Variants in ZNF804A observed in about 807,000 individuals in gnomAD.
ZNF804A encodes the protein zinc finger protein 804A.
In ZNF804A, 2 loss-of-function variants were observed where a neutral mutation model predicts 16.5. That is an observed-to-expected ratio of 0.12 (90% CI 0.05 to 0.38). The LOEUF (loss-of-function observed/expected upper bound fraction) is 0.38. ZNF804A is among the 10% of genes least tolerant of loss of function. The probability of loss-of-function intolerance (pLI) is 0.99; values close to 1 mark genes in which losing one functional copy is unlikely to be tolerated. For missense variants in ZNF804A, 1,473 were observed against 1,390.7 expected (o/e 1.06, Z -0.94); for synonymous variants, 534 against 489.6 (o/e 1.09, Z -1.20).
chr2:184,924,737 G>A (rs1170069577), intron 2 of ZNF804A, among the ~76,000 whole-genome samples: 5 of 151,322 alleles, frequency 3.3e-5, no homozygotes, highest in Admixed American at 6.6e-5. Context: ...TGTATGTTAC[G>A]TTTCCGTTAT....
intron 1 of ZNF804A, among the ~76,000 whole-genome samples, chr2:184,818,898 C>A (rs879754941): frequency 1.3e-5 from 2 of 152,036 alleles, no homozygotes; most frequent in Non-Finnish European, 2.9e-5. Flanking sequence ...ACAGGAGCAC[C>A]TAGTTTCATA....
intron 1 of ZNF804A, among the ~76,000 whole-genome samples, chr2:184,790,748 C>T (rs1433065496): frequency 2.0e-5 from 3 of 151,884 alleles, no homozygotes; most frequent in East Asian, 1.9e-4. Flanking sequence ...GGACTACAGG[C>T]GCCTGCCACA....
At chr2:184,830,110 CCACACACACACACA>C (rs151005970) in intron 1 of ZNF804A, among the ~76,000 whole-genome samples, 6 of 141,666 alleles carry the variant, frequency 4.2e-5, no homozygotes, top group East Asian at 4.2e-4. Flanking sequence ...ACACACCCAC[CCACACACACACACA>C]CACACACACA....
intron 1 of ZNF804A, among the ~76,000 whole-genome samples, chr2:184,758,539 G>A (rs1693993529): frequency 6.6e-6 from 1 of 151,874 alleles, no homozygotes; most frequent in South Asian, 2.1e-4. Context: ...CAAGCATATT[G>A]TCTGCCTTTG....
At chr2:184,803,955 C>A (rs577529016) in intron 1 of ZNF804A, among the ~76,000 whole-genome samples, 4 of 152,030 alleles carry the variant, frequency 2.6e-5, no homozygotes, top group Admixed American at 1.3e-4. Context: ...CTCCGCCTCC[C>A]GGGTTCAAGT....
chr2:184,857,408 C>T (rs573263544), intron 1 of ZNF804A, among the ~76,000 whole-genome samples: 2 of 152,030 alleles, frequency 1.3e-5, no homozygotes, highest in Admixed American at 1.3e-4. Flanking sequence ...ATAGGCTATC[C>T]AGGAGAATGT....
In ZNF804A at chr2:184,613,014, T is replaced by C. The variant is rs570695308; in HGVS notation, c.111+13944T>C. ...CTGAGGATGTTGTTTCCTTATGTGATACCACAATTTAACTCACATATGATG... is the reference window on the plus strand; with the variant it reads ...CTGAGGATGTTGTTTCCTTATGTGACACCACAATTTAACTCACATATGATG... On this transcript the variant is annotated intron_variant, in intron 1 of 3. Transcript: ENST00000302277. Among the ~76,000 whole-genome samples the C allele has an allele frequency of 9.2e-5, 14 of 152,382 alleles. No homozygotes were observed. The East Asian group carries it at 2.5e-3, about 27-fold the overall frequency.
At chr2:184,732,511 A>G (rs1054557505) in intron 1 of ZNF804A, among the ~76,000 whole-genome samples, 1 of 152,034 alleles carries the variant, frequency 6.6e-6, no homozygotes, top group Non-Finnish European at 1.5e-5. Flanking sequence ...TGTGTTGGCT[A>G]TTCTGTGTCT....
At chr2:184,865,075 T>C (rs576939716) in intron 1 of ZNF804A, among the ~76,000 whole-genome samples, 1 of 151,974 alleles carries the variant, frequency 6.6e-6, no homozygotes, top group South Asian at 2.1e-4. Flanking sequence ...AGACAGTGTT[T>C]TATCATGTTG....
At chr2:184,623,012 G>T (rs540936988) in intron 1 of ZNF804A, among the ~76,000 whole-genome samples, 5 of 152,000 alleles carry the variant, frequency 3.3e-5, no homozygotes, top group Non-Finnish European at 2.9e-5. Context: ...GACAAGAAAG[G>T]CATTCCCTTT....
intron 1 of ZNF804A, among the ~76,000 whole-genome samples, chr2:184,637,195 T>A (rs1691713472): frequency 6.6e-6 from 1 of 152,192 alleles, no homozygotes; most frequent in African/African-American, 2.4e-5. Context: ...CAAATTTTTA[T>A]CTGCTGTAGG....
intron 1 of ZNF804A, among the ~76,000 whole-genome samples, chr2:184,599,784 T>C (rs1691016751): frequency 6.6e-6 from 1 of 152,144 alleles, no homozygotes; most frequent in Non-Finnish European, 1.5e-5. Context: ...TTTTTCAGGA[T>C]CCTAGTCGGA....
Position 184,761,631 on chromosome 2 carries a change from G to A in ZNF804A, c.112-104738G>A, listed in dbSNP as rs949197151. ...CAGTCACTGTGCAATGGACTTGGGG[G>A]CCAAGTAGGAAATAAAAAACATAAC... On this transcript the variant is annotated intron_variant, in intron 1 of 3. Coordinates refer to ENST00000302277, the MANE Select transcript of ZNF804A (RefSeq NM_194250.2). Among the ~76,000 whole-genome samples, 10 of 152,120 alleles carry A rather than the reference G, an allele frequency of 6.6e-5. No individual in the cohort carries two copies. The East Asian group carries it at 1.5e-3, about 24-fold the overall frequency.
At chr2:184,692,664 T>C (rs993705117) in intron 1 of ZNF804A, among the ~76,000 whole-genome samples, 1 of 152,192 alleles carries the variant, frequency 6.6e-6, no homozygotes, top group African/African-American at 2.4e-5. Flanking sequence ...CAGAAATCTG[T>C]CTATTTTATT....
At chr2:184,684,244 G>A (rs1281955672) in intron 1 of ZNF804A, among the ~76,000 whole-genome samples, 1 of 152,126 alleles carries the variant, frequency 6.6e-6, no homozygotes, top group East Asian at 1.9e-4. Flanking sequence ...GGACATTTAA[G>A]AACAAAGTGC....
chr2:184,685,078 G>C (rs187577507), intron 1 of ZNF804A, among the ~76,000 whole-genome samples: 1 of 152,050 alleles, frequency 6.6e-6, no homozygotes. Flanking sequence ...CATGTAGTGG[G>C]GAGGAGTATG....
intron 1 of ZNF804A, among the ~76,000 whole-genome samples, chr2:184,676,323 A>G (rs773925347): frequency 1.3e-5 from 2 of 151,646 alleles, no homozygotes; most frequent in Non-Finnish European, 3.0e-5. Context: ...TTAAAAGTCA[A>G]ACATTAGAAA....
At chr2:184,885,650 T>C (rs747776034) in intron 2 of ZNF804A, among the ~76,000 whole-genome samples, 12 of 152,160 alleles carry the variant, frequency 7.9e-5, no homozygotes, top group Admixed American at 2.6e-4. Context: ...TTCTGTACGT[T>C]CTGAGGAGGT....
intron 1 of ZNF804A, among the ~76,000 whole-genome samples, chr2:184,726,416 T>G (rs979968962): frequency 2.6e-5 from 4 of 151,658 alleles, no homozygotes; most frequent in Non-Finnish European, 5.9e-5. Flanking sequence ...TAAAAATACC[T>G]TTATCTTTTC....
Sources: allele counts gnomAD v4.1 joint callset (sites outside exome capture counted in the v4.1 genomes callset), GRCh38; gene constraint gnomAD v4.1.1; transcripts MANE v1.5; gene names NCBI Gene and HGNC (gene_info 2026-07-23, HGNC 2026-07-21).